MBOAT4: variants seen among roughly 807,000 people sequenced by gnomAD.
MBOAT4 encodes the protein membrane bound ghrelin O-acyltransferase MBOAT4, also known as membrane-bound ghrelin O-acyltransferase MBOAT4.
In MBOAT4, 11 loss-of-function variants were observed where a neutral mutation model predicts 13.2. The observed-to-expected ratio is 0.84, with a 90% CI of 0.53 to 1.38. The LOEUF is 1.38. Ranked by LOEUF, MBOAT4 falls within the 40% of genes most tolerant of loss-of-function variation. MBOAT4 has a pLI of 0.00. For synonymous variants in MBOAT4, 202 were observed against 210.3 expected, an observed-to-expected ratio of 0.96 and a Z score of 0.34; for missense variants, 481 against 527.2, an observed-to-expected ratio of 0.91 and a Z score of 0.86.
chr8:30,138,936 G>C (rs1803210934), intron 1 of MBOAT4, among the ~76,000 whole-genome samples, 180 bp from the exon 2 acceptor site: 1 of 151,406 alleles, frequency 6.6e-6, no homozygotes, highest in Admixed American at 6.6e-5. Context: ...ACGGGAGAAG[G>C]AGCCAGGGTA....
At chr8:30,136,414 A>C (rs1038289679) in intron 2 of MBOAT4, among the ~76,000 whole-genome samples, 3 of 152,178 alleles carry the variant, frequency 2.0e-5, no homozygotes, top group African/African-American at 7.2e-5. Flanking sequence ...CGTCATCATC[A>C]GTGACTTCCA....
chr8:30,132,049 C>A lies in MBOAT4; in HGVS notation c.1202G>T (p.Ser401Ile). 6.4e-7 allele frequency: 1 copy of A among 1,551,798 alleles called. No individual in the cohort carries two copies. Among genetic ancestry groups the A allele is most frequent in the Non-Finnish European group, 8.7e-7 (1 of 1,147,008 alleles). ...ACAGAGCAACCAGAGAGAGGAGAGA[C>A]TCCTGACCTCCACAGCCAGCATGAT... ...AYIMLAVEVR[S>I]LSSLWLLCNS... The change falls in exon 3 of 3, where the codon AGT (serine) becomes ATT (isoleucine). Residue 401 changes from serine to isoleucine, a missense_variant. Physicochemically the swap from Ser to Ile is moderately radical, Grantham distance 142. Transcript: ENST00000320542.
chr8:30,138,195 GTAA>G (rs1803188818), intron 2 of MBOAT4: 1 of 192,886 alleles, frequency 5.2e-6, no homozygotes, highest in African/African-American at 2.3e-5. Flanking sequence ...AAAGCTTGGA[GTAA>G]TAATAAAACT....
intron 1 of MBOAT4, among the ~76,000 whole-genome samples, chr8:30,141,627 G>A (rs1803262176): frequency 6.6e-6 from 1 of 151,976 alleles, no homozygotes; most frequent in African/African-American, 2.4e-5. Flanking sequence ...GACAGAGAGA[G>A]ACTCTGTTTC....
chr8:30,132,330 G>C lies in MBOAT4; in HGVS notation c.921C>G (p.Asn307Lys), dbSNP rs150014128. Residue 307 changes from asparagine (N) to lysine (K), a missense_variant, in exon 3 of 3, where the codon AAC becomes AAG. Transcript: ENST00000320542. The stretch of plus-strand genomic sequence containing the variant: ...GTCGGAGCCATCGAGCTGTGCTTTG[G>C]TTCCACTTTCTTGAGAACACAGATA... The part of the protein sequence containing the change: ...HRISVFSRKW[N>K]QSTARWLRRL... 50 of 1,551,656 alleles carry C rather than the reference G, an allele frequency of 3.2e-5. No homozygotes were observed. Among genetic ancestry groups the C allele is most frequent in the Non-Finnish European group, 4.3e-5 (49 of 1,147,022 alleles).
At chr8:30,138,496 G>GTAT in intron 2 of MBOAT4, 36 bp downstream of exon 2, 1 of 1,478,822 alleles carries the variant, frequency 6.8e-7, no homozygotes, top group South Asian at 1.2e-5. Context: ...GCAAACTGTA[G>GTAT]GTGGGCTGAG....
chr8:30,132,431 C>T lies in MBOAT4; in HGVS notation c.820G>A (p.Glu274Lys), dbSNP rs1333407090. The change falls in exon 3 of 3, where the codon GAG becomes AAG. Residue 274 changes from glutamate (E) to lysine (K), a missense_variant. Coordinates refer to ENST00000320542, the MANE Select transcript of MBOAT4 (RefSeq NM_001100916.2). ...TCCTCTCCAGGGCTCTGACCAAGCT[C>T]AGGCCCAAAGCCCGCTGCGTGGAGG... is the stretch of plus-strand genomic sequence containing the variant. ...SLLHAAGFGP[E>K]LGQSPGEEGY... 6.4e-6 allele frequency: 10 copies of T among 1,551,654 alleles called. No individual in the cohort carries two copies. The highest frequency in any genetic ancestry group is 2.0e-5 in the Admixed American group (1 of 50,980).
rs142604585 is a variant in MBOAT4 at position 30,132,564 on chromosome 8, T to C, written c.687A>G (p.Gly229=). 1.3e-6 allele frequency: 2 copies of C among 1,551,738 alleles called. No individual in the cohort carries two copies. Among genetic ancestry groups the C allele is most frequent in the South Asian group, 2.4e-5 (2 of 84,058 alleles). The change falls in exon 3 of 3, where the codon GGA becomes GGG. Residue 229 remains glycine (G), a synonymous_variant. Coordinates refer to ENST00000320542, the MANE Select transcript of MBOAT4 (RefSeq NM_001100916.2). ...NVAVSRVVDA[G]AGLTDCQQFE... ...ATTGCTGGCAATCAGTCAGTCCCGC[T>C]CCTGCATCCACCACCCTGCTCACTG...
intron 2 of MBOAT4, among the ~76,000 whole-genome samples, chr8:30,134,069 T>C (rs911297053): frequency 6.6e-6 from 1 of 152,212 alleles, no homozygotes; most frequent in African/African-American, 2.4e-5. Context: ...TCATTGAGCC[T>C]GTACTCAAAG....
intron 1 of MBOAT4, among the ~76,000 whole-genome samples, chr8:30,143,463 A>T (rs1246853551): frequency 6.6e-6 from 1 of 152,050 alleles, no homozygotes; most frequent in Non-Finnish European, 1.5e-5. Context: ...TCATGTAGCC[A>T]TGTTAACAGT....
rs890735974 is a variant in MBOAT4 at position 30,138,600 on chromosome 8, G to A, written c.276C>T (p.Ser92=). 2 of 1,551,542 alleles carry A rather than the reference G, an allele frequency of 1.3e-6. No individual in the cohort carries two copies. Among genetic ancestry groups the A allele is most frequent in the African/African-American group, 1.4e-5 (1 of 73,038 alleles). Residue 92 remains serine, a synonymous_variant, in exon 2 of 3, where the codon AGC becomes AGT. Transcript: ENST00000320542. ...VHRWTFCFQM[S]WQTLCHLGLH... The stretch of plus-strand genomic sequence containing the variant: ...GACCTAGGTGACACAAGGTCTGCCA[G>A]CTCATCTGAAAGCAGAAGGTCCACC...
chr8:30,141,842 T>C (rs1803265578), intron 1 of MBOAT4, among the ~76,000 whole-genome samples: 2 of 152,122 alleles, frequency 1.3e-5, no homozygotes, highest in South Asian at 4.1e-4. Flanking sequence ...GAACCACTTT[T>C]TTCCTTGGGG....
chr8:30,143,563 A>G (rs1219917305), intron 1 of MBOAT4, among the ~76,000 whole-genome samples: 1 of 152,176 alleles, frequency 6.6e-6, no homozygotes, highest in Non-Finnish European at 1.5e-5. Context: ...ATCTAAAAAA[A>G]TAGGTGCTGT....
At chr8:30,140,725 C>G (rs1006918262) in intron 1 of MBOAT4, among the ~76,000 whole-genome samples, 1 of 152,096 alleles carries the variant, frequency 6.6e-6, no homozygotes, top group Non-Finnish European at 1.5e-5. Context: ...TGAAGGGTGA[C>G]CACGACCGTA....
Position 30,131,836 on chromosome 8 carries a change from G to GA in MBOAT4, c.*106dup. ...CTGGGTATATCCATCCAAAACTTTA[G>GA]AAAAAATTTTATTATGGAAAAGTTC... On this transcript the variant is annotated 3_prime_UTR_variant, in exon 3 of 3. Transcript: ENST00000320542. The GA allele has an allele frequency of 7.3e-7, 1 of 1,378,118 alleles. No individual in the cohort carries two copies. The highest frequency in any genetic ancestry group is 9.6e-7 in the Non-Finnish European group (1 of 1,038,240). The allele number at this position is 1,378,118 out of a possible 1,614,324, so 85.4% of individuals were successfully genotyped here. A position where few individuals can be genotyped will look rare whatever the true frequency, so the allele number is the denominator to read the frequency against.
chr8:30,139,077 A>C (rs774400245), intron 1 of MBOAT4, among the ~76,000 whole-genome samples: 6 of 150,988 alleles, frequency 4.0e-5, no homozygotes, highest in Non-Finnish European at 8.8e-5. Context: ...GACTCAAGTG[A>C]TCCTCCTACC....
At position 30,144,650 on chromosome 8, in the gene MBOAT4, G is replaced by A; in HGVS notation, c.-49C>T. On this transcript the variant is annotated 5_prime_UTR_variant, in exon 1 of 3. Transcript: ENST00000320542. ...GTCTTTTCCAGTGTCCTTAACTGAT[G>A]CCTTCCTCCAAGAGTAATCTCAACC... 1.6e-6 allele frequency: 2 copies of A among 1,238,952 alleles called. No individual in the cohort carries two copies. Among genetic ancestry groups the A allele is most frequent in the Non-Finnish European group, 2.3e-6 (2 of 878,946 alleles). The allele number at this position is 1,238,952 out of a possible 1,614,324, so 76.7% of individuals were successfully genotyped here.
intron 2 of MBOAT4, chr8:30,137,638 G>C (rs981831810): frequency 1.5e-6 from 1 of 684,014 alleles, no homozygotes; most frequent in Admixed American, 2.7e-5. Context: ...AAAGAAGTCT[G>C]ACCTAACCAA....
chr8:30,137,209 A>T, intron 2 of MBOAT4: 1 of 1,218,590 alleles, frequency 8.2e-7, no homozygotes, highest in Non-Finnish European at 1.2e-6. Context: ...CATCTCAGGG[A>T]TCTTGCTGAT....
Sources: gnomAD v4.1 joint callset for allele counts (sites outside exome capture counted in the v4.1 genomes callset) on GRCh38, gnomAD v4.1.1 for gene constraint, MANE v1.5 for transcripts, NCBI Gene and HGNC (gene_info 2026-07-23, HGNC 2026-07-21) for gene names.